Variants in PUM2 observed in about 807,000 individuals in gnomAD.
PUM2 encodes pumilio homolog 2.
Under a neutral mutation model 124.5 loss-of-function variants are expected in PUM2, and 57 were observed. The ratio of observed to expected loss-of-function variants is 0.46; its 90% CI spans 0.37 to 0.57. The LOEUF (loss-of-function observed/expected upper bound fraction) is 0.57, where lower values mean the gene tolerates loss of function less well. Among genes scored for constraint, PUM2 ranks in the 20% least tolerant of loss-of-function variants. The pLI is 0.00. For synonymous variants in PUM2, 460 were observed against 446.1 expected, an observed-to-expected ratio of 1.03 and a Z score of -0.39; for missense variants, 1,065 against 1,290.6, an observed-to-expected ratio of 0.83 and a Z score of 2.68.
chr2:20,289,430 A>G (rs1478756059), intron 10 of PUM2, among the ~76,000 whole-genome samples: 6 of 152,358 alleles, frequency 3.9e-5, no homozygotes, highest in African/African-American at 1.2e-4. Context: ...CCATGTGCCT[A>G]AAACAACTTC....
chr2:20,308,492 G>A lies in PUM2; in HGVS notation c.611C>T (p.Pro204Leu). The stretch of plus-strand genomic sequence containing the variant: ...AAGTGGTTTATTAGCTGTAGGATTA[G>A]GAAGAGGCCCCAGTCCTTCTGAGGG... ...TNPSEGLGPL[P>L]NPTANKPLVE... The change falls in exon 6 of 21, where the codon CCT (proline) becomes CTT (leucine). Residue 204 changes from proline to leucine, a missense_variant. Pro to Leu is a moderately conservative substitution (Grantham distance 98, BLOSUM62 -3). This residue lies in a region of PUM2 where 968 missense variants were observed against 1,159.8 expected (regional missense o/e 0.83). Transcript: ENST00000361078. 1 of 1,614,140 alleles carries A rather than the reference G, an allele frequency of 6.2e-7. No individual in the cohort carries two copies. The highest frequency in any genetic ancestry group is 8.5e-7 in the Non-Finnish European group (1 of 1,179,990).
chr2:20,262,670 ATG>A (rs1272210447), intron 14 of PUM2, among the ~76,000 whole-genome samples: 1 of 152,236 alleles, frequency 6.6e-6, no homozygotes, highest in African/African-American at 2.4e-5. Flanking sequence ...AATTTATCAA[ATG>A]TGTTACAATT....
chr2:20,307,442 A>G (rs1177996710), intron 7 of PUM2, among the ~76,000 whole-genome samples: 1 of 152,168 alleles, frequency 6.6e-6, no homozygotes, highest in Non-Finnish European at 1.5e-5. Flanking sequence ...CATCAATATC[A>G]TATTACTGTT....
At chr2:20,319,415 G>GCATT (rs1681771640) in intron 2 of PUM2, among the ~76,000 whole-genome samples, 1 of 152,210 alleles carries the variant, frequency 6.6e-6, no homozygotes, top group Non-Finnish European at 1.5e-5. Context: ...TTTTAAAGAA[G>GCATT]CATTCATAAG....
intron 1 of PUM2, among the ~76,000 whole-genome samples, chr2:20,336,703 G>GTGTT (rs1553408181): frequency 8.1e-5 from 12 of 147,346 alleles, no homozygotes; most frequent in African/African-American, 3.1e-4. Context: ...GTGTGTGTGT[G>GTGTT]TGTGTGTGTT....
Position 20,251,414 on chromosome 2 carries a change from C to A in PUM2, c.*171G>T. 1 of 770,296 alleles carries A rather than the reference C, an allele frequency of 1.3e-6. No homozygotes were observed. Among genetic ancestry groups the A allele is most frequent in the Non-Finnish European group, 1.9e-6 (1 of 513,210 alleles). 47.7% of individuals were successfully genotyped at this position (770,296 alleles called of 1,614,324 possible). ...AATTTATAATTCATCCCCCACCCCC[C>A]AAATATACACAAGAACCTTAAAAAA... On this transcript the variant is annotated 3_prime_UTR_variant, in exon 21 of 21. Coordinates refer to ENST00000361078, the MANE Select transcript of PUM2 (RefSeq NM_015317.5).
At chr2:20,343,599 C>A (rs529740672) in intron 1 of PUM2, among the ~76,000 whole-genome samples, 1 of 152,178 alleles carries the variant, frequency 6.6e-6, no homozygotes, top group African/African-American at 2.4e-5. Context: ...ATTCCTAACA[C>A]TAAGCTTTAA....
intron 1 of PUM2, among the ~76,000 whole-genome samples, chr2:20,342,269 G>A (rs1687380025): frequency 6.6e-6 from 1 of 152,172 alleles, no homozygotes; most frequent in African/African-American, 2.4e-5. Context: ...AGTATATTTG[G>A]AATTTTCCTA....
intron 10 of PUM2, among the ~76,000 whole-genome samples, chr2:20,286,428 A>C (rs540297660): frequency 1.4e-3 from 216 of 152,338 alleles, no homozygotes; most frequent in Middle Eastern, 3.4e-3. Flanking sequence ...TTTATGATAA[A>C]GATGGACATC....
chr2:20,280,094 G>C (rs753020508), intron 12 of PUM2, among the ~76,000 whole-genome samples: 55 of 152,060 alleles, frequency 3.6e-4, no homozygotes, highest in Non-Finnish European at 7.6e-4. Flanking sequence ...AAAAATTAAG[G>C]AGAGTACATC....
At chr2:20,304,178 T>G (rs756287280) in intron 7 of PUM2, among the ~76,000 whole-genome samples, 2 of 152,220 alleles carry the variant, frequency 1.3e-5, no homozygotes, top group Non-Finnish European at 2.9e-5. Flanking sequence ...CCCCAAAGCC[T>G]GAACTGCATA....
At chr2:20,292,411 G>A (rs1376184646) in intron 9 of PUM2, among the ~76,000 whole-genome samples, 3 of 151,860 alleles carry the variant, frequency 2.0e-5, no homozygotes, top group African/African-American at 7.3e-5. Flanking sequence ...CACACAGGCT[G>A]GAGTGCAATG....
intron 1 of PUM2, among the ~76,000 whole-genome samples, chr2:20,328,785 G>GA (rs570362738): frequency 4.5e-4 from 68 of 151,888 alleles, no homozygotes; most frequent in African/African-American, 1.6e-3. Context: ...GAAAATAGTG[G>GA]AAAAAAAATG....
chr2:20,251,971 C>T (rs1663475752), intron 20 of PUM2, among the ~76,000 whole-genome samples: 1 of 152,136 alleles, frequency 6.6e-6, no homozygotes. Context: ...CCAAACATAG[C>T]AAGAAAGTTA....
chr2:20,310,066 C>A (rs898635049), intron 5 of PUM2, among the ~76,000 whole-genome samples: 6 of 151,900 alleles, frequency 3.9e-5, no homozygotes, highest in African/African-American at 1.4e-4. Context: ...TCCAATAGTT[C>A]TTTTACTCAT....
intron 14 of PUM2, among the ~76,000 whole-genome samples, chr2:20,261,033 T>C (rs946289631): frequency 3.9e-5 from 6 of 152,122 alleles, no homozygotes; most frequent in Non-Finnish European, 7.4e-5. Flanking sequence ...TGTCATAACA[T>C]CATAGTGCAA....
At chr2:20,339,501 G>T (rs906122398) in intron 1 of PUM2, among the ~76,000 whole-genome samples, 1 of 152,150 alleles carries the variant, frequency 6.6e-6, no homozygotes, top group Non-Finnish European at 1.5e-5. Flanking sequence ...AATATCTTTA[G>T]CCTTACTTTT....
chr2:20,259,298 T>G (rs934573028), intron 15 of PUM2, among the ~76,000 whole-genome samples: 1 of 152,248 alleles, frequency 6.6e-6, no homozygotes, highest in African/African-American at 2.4e-5. Flanking sequence ...AAACTGCCAT[T>G]TGAACCATTT....
At chr2:20,344,764 C>G (rs1461157140) in intron 1 of PUM2, among the ~76,000 whole-genome samples, 2 of 151,878 alleles carry the variant, frequency 1.3e-5, no homozygotes, top group Non-Finnish European at 2.9e-5. Context: ...CGGCGGATCA[C>G]GAGGTCAGGA....
Sources: allele counts gnomAD v4.1 joint callset (sites outside exome capture counted in the v4.1 genomes callset), GRCh38; gene constraint gnomAD v4.1.1; regional missense constraint gnomAD v4.1.1; transcripts MANE v1.5; gene names NCBI Gene and HGNC (gene_info 2026-07-23, HGNC 2026-07-21).